CTSC: variants seen among roughly 807,000 people sequenced by gnomAD.
CTSC encodes the protein dipeptidyl peptidase 1.
CTSC carries 37 observed loss-of-function variants against 40.9 expected under a neutral mutation model. The ratio of observed to expected loss-of-function variants is 0.91; its 90% CI spans 0.70 to 1.19. The LOEUF is 1.19. Ranked by LOEUF, CTSC falls within the 50% of genes most tolerant of loss-of-function variation. The probability of loss-of-function intolerance (pLI) is 0.00; values close to 1 mark genes in which losing one functional copy is unlikely to be tolerated. For missense variants in CTSC, 594 were observed against 567.3 expected (o/e 1.05, Z -0.48); for synonymous variants, 232 against 207.4 (o/e 1.12, Z -1.02).
At chr11:88,334,068 T>G (rs139632872) in intron 2 of CTSC, among the ~76,000 whole-genome samples, 3,912 of 152,334 alleles carry the variant, frequency 0.026, 73 homozygotes, top group South Asian at 0.07. Flanking sequence ...TTTATCATAT[T>G]TAACAGAGTT....
intron 2 of CTSC, chr11:88,322,921 A>T (rs1938066258): frequency 6.6e-6 from 1 of 152,238 alleles, no homozygotes; most frequent in Admixed American, 6.5e-5. Context: ...TCATTTTATG[A>T]GGCCAGCATC....
Position 88,300,464 on chromosome 11 carries a change from C to T in CTSC, c.757+66G>A, listed in dbSNP as rs141174591. The T allele has an allele frequency of 2.8e-3, 2,789 of 984,888 alleles. 32 individuals carry two copies. The highest frequency in any genetic ancestry group is 0.018 in the South Asian group (1,398 of 77,064). 61.0% of individuals were successfully genotyped at this position (984,888 alleles called of 1,614,324 possible). The stretch of plus-strand genomic sequence containing the variant: ...ATCTAGGTATCCCCGAAATCCATCA[C>T]ACAGAGCAACTGTTCAATAAATAGT... On this transcript the variant is annotated intron_variant, in intron 5 of 6. Transcript: ENST00000227266.
Position 88,294,168 on chromosome 11 carries a change from C to T in CTSC, c.1230G>A (p.Val410=), listed in dbSNP as rs1333452202. ...FELTNHAVLL[V]GYGTDSASGM... ...CAGAGGCTGAGTCAGTGCCATAGCC[C>T]ACAAGCAGAACAGCATGATTAGTCA... The change falls in exon 7 of 7, where the codon GTG becomes GTA. Residue 410 remains valine (V), a synonymous_variant. Coordinates refer to ENST00000227266, the MANE Select transcript of CTSC (RefSeq NM_001814.6). The T allele has an allele frequency of 6.2e-6, 10 of 1,613,678 alleles. No individual in the cohort carries two copies. The Admixed American group carries it at 1.7e-4, about 27-fold the overall frequency.
In CTSC at chr11:88,309,270, G is replaced by A; in HGVS notation, c.534C>T (p.Ile178=). ...CAGTCCAAGACTTCTGAATGGCATTGATAGCTTTCACAAAGTTGTGATCAT... is the reference window on the plus strand; with the variant it reads ...CAGTCCAAGACTTCTGAATGGCATTAATAGCTTTCACAAAGTTGTGATCAT... ...YKYDHNFVKA[I]NAIQKSWTAT... is the part of the protein sequence containing the mutation. Residue 178 remains isoleucine (I), a synonymous_variant, in exon 4 of 7, where the codon ATC becomes ATT. Transcript: ENST00000227266. 1 of 1,613,720 alleles carries A rather than the reference G, an allele frequency of 6.2e-7. No homozygotes were observed.
chr11:88,306,490 T>A (rs1190530038), intron 4 of CTSC, among the ~76,000 whole-genome samples: 4 of 148,626 alleles, frequency 2.7e-5, no homozygotes. Context: ...TACAAGGAGC[T>A]GAACATCCAG....
intron 2 of CTSC, chr11:88,325,307 C>A (rs1938150356): frequency 1.0e-6 from 1 of 985,122 alleles, no homozygotes; most frequent in South Asian, 4.7e-5. Context: ...ATGAAAAAAC[C>A]CTGGTTTAGG....
chr11:88,309,927 T>C (rs1379077207), intron 3 of CTSC, among the ~76,000 whole-genome samples: 1 of 151,916 alleles, frequency 6.6e-6, no homozygotes, highest in Non-Finnish European at 1.5e-5. Context: ...CCCTACTCCC[T>C]ACAGTTTCTA....
chr11:88,302,616 A>C (rs1176779834), intron 4 of CTSC, among the ~76,000 whole-genome samples: 1 of 108,616 alleles, frequency 9.2e-6, no homozygotes, highest in Admixed American at 1.1e-4. Context: ...ACAGAGCAAG[A>C]CTCCGCCTCA....
chr11:88,337,522 C>A lies in CTSC; in HGVS notation c.151G>T (p.Asp51Tyr), dbSNP rs1390157802. The A allele has an allele frequency of 2.5e-6, 4 of 1,575,464 alleles. No homozygotes were observed. In the South Asian group the frequency reaches 3.5e-5, roughly 14 times the overall value. Residue 51 changes from aspartate to tyrosine, a missense_variant, in exon 1 of 7, where the codon GAT becomes TAT. Transcript: ENST00000227266. ...TTACCCATAACCGAGCAGTTGACAT[C>A]GCGCTGGGAACCGCTGGAGCCCACC... is the stretch of plus-strand genomic sequence containing the variant. ...FQVGSSGSQR[D>Y]VNCSVMGPQE...
At chr11:88,331,950 T>C (rs1938370556) in intron 2 of CTSC, among the ~76,000 whole-genome samples, 1 of 152,178 alleles carries the variant, frequency 6.6e-6, no homozygotes, top group South Asian at 2.1e-4. Context: ...AACCTATATA[T>C]GTCATAACAT....
At chr11:88,315,065 AAC>A (rs1039962883) in intron 2 of CTSC, among the ~76,000 whole-genome samples, 4 of 152,302 alleles carry the variant, frequency 2.6e-5, no homozygotes, top group Non-Finnish European at 4.4e-5. Context: ...GGTAGATCGA[AAC>A]AGTGTAACAT....
intron 4 of CTSC, among the ~76,000 whole-genome samples, chr11:88,301,807 C>T (rs576119268): frequency 0.018 from 823 of 46,522 alleles, 9 homozygotes; most frequent in African/African-American, 0.056. Context: ...CAAACACACG[C>T]GCGCACACAC....
At chr11:88,326,245 G>C (rs1938182402) in intron 2 of CTSC, 1 of 1,509,510 alleles carries the variant, frequency 6.6e-7, no homozygotes, top group Non-Finnish European at 8.9e-7. Context: ...GAGGGCAGCT[G>C]CCTTGGAGGT....
At chr11:88,314,136 T>C (rs918610161) in intron 2 of CTSC, among the ~76,000 whole-genome samples, 5 of 152,218 alleles carry the variant, frequency 3.3e-5, no homozygotes, top group Non-Finnish European at 7.3e-5. Context: ...AAACTTCTTT[T>C]TGAAGGACTA....
Position 88,311,925 on chromosome 11 carries a change from C to T in CTSC, c.485+463G>A, listed in dbSNP as rs76314222. Among the ~76,000 whole-genome samples the T allele has an allele frequency of 6.9e-3, 1,049 of 152,326 alleles. 13 individuals are homozygous for T. The highest frequency in any genetic ancestry group is 0.024 in the African/African-American group (1,012 of 41,578). ...TGAAAAAACAACCTTCCTTAAGCCA[C>T]CCAGTCTGTGGTACTTTGTTATGGC... On this transcript the variant is annotated intron_variant, in intron 3 of 6. Coordinates refer to ENST00000227266, the MANE Select transcript of CTSC (RefSeq NM_001814.6).
intron 4 of CTSC, among the ~76,000 whole-genome samples, chr11:88,306,079 T>C (rs955773968): frequency 2.6e-5 from 4 of 152,216 alleles, no homozygotes; most frequent in African/African-American, 9.7e-5. Context: ...TGCTCCGTTT[T>C]CCAATTTTGA....
chr11:88,334,848 A>G, intron 2 of CTSC, 89 bp downstream of exon 2: 2 of 978,404 alleles, frequency 2.0e-6, no homozygotes, highest in South Asian at 1.3e-5. Flanking sequence ...TTCTTAATCT[A>G]AAATTAAAAT....
In CTSC at chr11:88,293,672, G is replaced by C. The variant is rs1944265608; in HGVS notation, c.*334C>G. 2 of 262,068 alleles carry C rather than the reference G, an allele frequency of 7.6e-6. No homozygotes were observed. The highest frequency in any genetic ancestry group is 1.5e-5 in the Non-Finnish European group (2 of 136,116). 16.2% of individuals were successfully genotyped at this position (262,068 alleles called of 1,614,324 possible). A position where few individuals can be genotyped will look rare whatever the true frequency, so the allele number is the denominator to read the frequency against. ...TGATAATTATTGCCATTATTTTCTT[G>C]TGATTGGTACAATTTAAAAATAAGT... On this transcript the variant is annotated 3_prime_UTR_variant, in exon 7 of 7. Transcript: ENST00000227266.
chr11:88,298,435 T>A (rs1944321659), intron 5 of CTSC: 1 of 152,194 alleles, frequency 6.6e-6, no homozygotes, highest in South Asian at 2.1e-4. Flanking sequence ...CTCCCACTAT[T>A]TCTTTTTTCT....
Sources: gnomAD v4.1 joint callset for allele counts (sites outside exome capture counted in the v4.1 genomes callset) on GRCh38, gnomAD v4.1.1 for gene constraint, MANE v1.5 for transcripts, NCBI Gene and HGNC (gene_info 2026-07-23, HGNC 2026-07-21) for gene names.